The following SLC4A5 variants were observed in gnomAD, a reference collection of about 807,000 sequenced individuals.
SLC4A5 encodes the protein electrogenic sodium bicarbonate cotransporter 4.
SLC4A5 carries 96 observed loss-of-function variants against 120.4 expected under a neutral mutation model. The observed-to-expected ratio is 0.80, with a 90% CI of 0.68 to 0.94. The LOEUF (loss-of-function observed/expected upper bound fraction) is 0.94, where lower values mean the gene tolerates loss of function less well. Among genes scored for constraint, SLC4A5 ranks in the 40% least tolerant of loss-of-function variants. The pLI is 0.00. For synonymous variants in SLC4A5, 550 were observed against 571.1 expected (o/e 0.96, Z 0.53); for missense variants, 1,259 against 1,459.5 (o/e 0.86, Z 2.24).
At chr2:74,262,366 T>A in intron 10 of SLC4A5, 134 bp from the exon 11 acceptor site, 1 of 363,300 alleles carries the variant, frequency 2.8e-6, no homozygotes, top group Non-Finnish European at 4.9e-6. Context: ...AGAAATTCTT[T>A]TTTTTTTTTT....
chr2:74,332,703 TTG>T (rs3834171), intron 4 of SLC4A5, among the ~76,000 whole-genome samples: 6,023 of 147,954 alleles, frequency 0.041, 509 homozygotes, highest in East Asian at 0.36. Flanking sequence ...GGGTGTCCAT[TTG>T]TGTGTGTGTG....
intron 26 of SLC4A5, 194 bp downstream of exon 26, chr2:74,227,616 C>T: frequency 7.1e-7 from 1 of 1,403,688 alleles, no homozygotes; most frequent in Middle Eastern, 1.8e-4. Context: ...TTATATGAGG[C>T]CTATGAAGTG....
At chr2:74,343,295 C>T (rs192216113) in intron 1 of SLC4A5, 61 bp downstream of exon 1, 1 of 152,288 alleles carries the variant, frequency 6.6e-6, no homozygotes, top group Admixed American at 6.5e-5. Context: ...TCACTCACAT[C>T]TCCAAACCAG....
At chr2:74,242,857 T>C (rs1433425518) in intron 19 of SLC4A5, among the ~76,000 whole-genome samples, 2 of 152,348 alleles carry the variant, frequency 1.3e-5, no homozygotes, top group East Asian at 3.9e-4. Flanking sequence ...TTTCACCATG[T>C]TGGCCAGGCT....
intron 7 of SLC4A5, among the ~76,000 whole-genome samples, chr2:74,290,989 G>A (rs1672149299): frequency 6.6e-6 from 1 of 152,142 alleles, no homozygotes; most frequent in Non-Finnish European, 1.5e-5. Context: ...GAACCTAGCA[G>A]GGCCCTTCCT....
chr2:74,333,687 A>T (rs964461359), intron 4 of SLC4A5, among the ~76,000 whole-genome samples: 1 of 152,188 alleles, frequency 6.6e-6, no homozygotes, highest in African/African-American at 2.4e-5. Context: ...AATCCCTTGC[A>T]GATGCTGAGG....
At chr2:74,237,868 G>C (rs1670317018) in intron 21 of SLC4A5, among the ~76,000 whole-genome samples, 1 of 152,174 alleles carries the variant, frequency 6.6e-6, no homozygotes, top group Non-Finnish European at 1.5e-5. Flanking sequence ...TTGGGAGGCT[G>C]AGGTGGGGGG....
chr2:74,234,083 A>C (rs781544689), intron 22 of SLC4A5, among the ~76,000 whole-genome samples: 5 of 130,642 alleles, frequency 3.8e-5, no homozygotes, highest in Admixed American at 9.1e-5. Context: ...AAACAACAAC[A>C]AAAAAAACCT....
At chr2:74,286,807 G>A (rs1363393599) in intron 7 of SLC4A5, among the ~76,000 whole-genome samples, 3 of 152,168 alleles carry the variant, frequency 2.0e-5, no homozygotes, top group African/African-American at 4.8e-5. Context: ...AAATGAGAAC[G>A]AGCCACTCTG....
chr2:74,251,822 C>T (rs1219856725), intron 16 of SLC4A5, among the ~76,000 whole-genome samples: 1 of 152,184 alleles, frequency 6.6e-6, no homozygotes, highest in Non-Finnish European at 1.5e-5. Flanking sequence ...GCACGGTGGT[C>T]CTGCCAACAC....
intron 7 of SLC4A5, among the ~76,000 whole-genome samples, chr2:74,299,212 G>A (rs1672409005): frequency 2.0e-5 from 3 of 152,180 alleles, no homozygotes; most frequent in Admixed American, 1.3e-4. Context: ...TTAGCTGGGT[G>A]TGGTGGTGCA....
At chr2:74,315,736 G>A (rs778462695) in intron 5 of SLC4A5, among the ~76,000 whole-genome samples, 39 of 151,870 alleles carry the variant, frequency 2.6e-4, no homozygotes, top group Non-Finnish European at 5.2e-4. Flanking sequence ...TGAGGCTGCA[G>A]TGAGCCATAA....
At position 74,253,141 on chromosome 2, in the gene SLC4A5, G is replaced by C. The variant is rs781453259; in HGVS notation, c.1114-13C>G. On this transcript the variant is annotated splice_polypyrimidine_tract_variant and intron_variant, in intron 14 of 30. Transcript: ENST00000394019. ...CGTCACTGAAGAGCTGGCGAGGAGA[G>C]AGGAGGGAGAAAAGAAAGATCGGGT... 1.2e-6 allele frequency: 2 copies of C among 1,613,842 alleles called. No individual in the cohort carries two copies. Among genetic ancestry groups the C allele is most frequent in the Non-Finnish European group, 1.7e-6 (2 of 1,179,956 alleles).
At chr2:74,305,483 T>C (rs1672612881) in intron 6 of SLC4A5, among the ~76,000 whole-genome samples, 2 of 152,172 alleles carry the variant, frequency 1.3e-5, no homozygotes. Context: ...ATTAACATCT[T>C]ACATTAGTGT....
At chr2:74,226,522 C>G (rs1461910558) in intron 27 of SLC4A5, among the ~76,000 whole-genome samples, 1 of 152,078 alleles carries the variant, frequency 6.6e-6, no homozygotes, top group Non-Finnish European at 1.5e-5. Flanking sequence ...GATCTCTGAC[C>G]CTCGTTCTTC....
intron 8 of SLC4A5, among the ~76,000 whole-genome samples, chr2:74,267,493 A>T (rs1671341753): frequency 6.6e-6 from 1 of 152,274 alleles, no homozygotes; most frequent in East Asian, 1.9e-4. Flanking sequence ...GTGAACTCAC[A>T]TACTGACAGG....
intron 8 of SLC4A5, 128 bp downstream of exon 8, chr2:74,285,645 A>T: frequency 1.9e-6 from 2 of 1,075,868 alleles, no homozygotes; most frequent in Non-Finnish European, 2.6e-6. Flanking sequence ...CAAGGAAGGC[A>T]GCTGGGAGGG....
At chr2:74,229,843 T>G (rs1236936030) in intron 25 of SLC4A5, among the ~76,000 whole-genome samples, 1 of 152,038 alleles carries the variant, frequency 6.6e-6, no homozygotes, top group Non-Finnish European at 1.5e-5. Flanking sequence ...ATCATCATTC[T>G]TTAGCGTTTG....
chr2:74,315,083 A>G (rs1217939365), intron 5 of SLC4A5, 58 bp from the exon 6 acceptor site: 12 of 1,409,686 alleles, frequency 8.5e-6, no homozygotes, highest in Non-Finnish European at 1.2e-5. Context: ...GTAGGATTTC[A>G]AGGAGAAATG....
Sources: allele counts gnomAD v4.1 joint callset (sites outside exome capture counted in the v4.1 genomes callset), GRCh38; gene constraint gnomAD v4.1.1; transcripts MANE v1.5; gene names NCBI Gene and HGNC (gene_info 2026-07-23, HGNC 2026-07-21).